Variants in CHD2 observed in about 807,000 individuals in gnomAD.
CHD2 encodes the protein ATP-dependent chromatin remodeler CHD2.
In CHD2, 28 loss-of-function variants were observed where a neutral mutation model predicts 243.9. The ratio of observed to expected loss-of-function variants is 0.11; its 90% CI spans 0.09 to 0.16. The LOEUF is 0.16. Among genes scored for constraint, CHD2 ranks in the 10% least tolerant of loss-of-function variants. The pLI, the probability that CHD2 is intolerant of heterozygous loss-of-function variation, is 1.00. For synonymous variants in CHD2, 775 were observed against 779.0 expected, an observed-to-expected ratio of 0.99 and a Z score of 0.09; for missense variants, 1,386 against 2,209.8, an observed-to-expected ratio of 0.63 and a Z score of 7.47.
intron 16 of CHD2, among the ~76,000 whole-genome samples, chr15:92,959,844 A>G (rs1019235649): frequency 6.6e-6 from 1 of 152,110 alleles, no homozygotes; most frequent in African/African-American, 2.4e-5. Flanking sequence ...TTCTTTTTCA[A>G]AATTGTTTTG....
Position 93,020,895 on chromosome 15 carries a change from G to A in CHD2, c.5153+637G>A, listed in dbSNP as rs117363842. On this transcript the variant is annotated intron_variant, in intron 38 of 38. Transcript: ENST00000394196. ...AATTTCATATAAACGTGTCAAAGTC[G>A]TGCTTTGTTTTTGGAAGATCTGGTA... 515 of 153,210 alleles carry A rather than the reference G, an allele frequency of 3.4e-3. 1 individual carries two copies. The highest frequency in any genetic ancestry group is 5.9e-3 in the Non-Finnish European group (406 of 68,772). The allele number at this position is 153,210 out of a possible 1,614,324, so 9.5% of individuals were successfully genotyped here.
At chr15:92,924,983 C>T (rs963267879) in intron 3 of CHD2, among the ~76,000 whole-genome samples, 5 of 152,064 alleles carry the variant, frequency 3.3e-5, no homozygotes, top group Admixed American at 6.5e-5. Flanking sequence ...GTATTTTTAG[C>T]GGAGACTGGG....
At chr15:92,924,237 T>C in intron 2 of CHD2, 84 bp from the exon 3 acceptor site, 1 of 1,190,006 alleles carries the variant, frequency 8.4e-7, no homozygotes, top group Admixed American at 2.1e-5. Context: ...TATCTGCAAA[T>C]GTTTTACCAT....
chr15:92,913,609 A>G (rs1388707944), intron 2 of CHD2, among the ~76,000 whole-genome samples: 3 of 152,222 alleles, frequency 2.0e-5, no homozygotes, highest in Admixed American at 6.5e-5. Context: ...TAATCCCAGC[A>G]CTTTGGGAGG....
intron 5 of CHD2, among the ~76,000 whole-genome samples, chr15:92,931,068 A>G (rs1333807282): frequency 1.3e-5 from 2 of 152,164 alleles, no homozygotes; most frequent in Non-Finnish European, 2.9e-5. Flanking sequence ...GTTGCAAGGC[A>G]CTTTAGGAGC....
chr15:92,929,874 G>A (rs367618756), intron 5 of CHD2, among the ~76,000 whole-genome samples: 1 of 151,798 alleles, frequency 6.6e-6, no homozygotes, highest in East Asian at 1.9e-4. Flanking sequence ...TTTAGTAAGT[G>A]GCCTAAGGCA....
At chr15:92,925,276 A>T (rs2053037811) in intron 3 of CHD2, among the ~76,000 whole-genome samples, 1 of 152,154 alleles carries the variant, frequency 6.6e-6, no homozygotes, top group Non-Finnish European at 1.5e-5. Flanking sequence ...CCTCCTTTTC[A>T]CATGGTAGCT....
chr15:92,947,396 T>C (rs915872992), intron 12 of CHD2: 1 of 152,212 alleles, frequency 6.6e-6, no homozygotes, highest in Non-Finnish European at 1.5e-5. Flanking sequence ...AAGATTCTTA[T>C]AGTTCAATAG....
chr15:92,937,478 C>A (rs761762487), intron 5 of CHD2, 40 bp from the exon 6 acceptor site: 1 of 1,456,420 alleles, frequency 6.9e-7, no homozygotes, highest in Admixed American at 2.2e-5. Context: ...TTGAAGGATT[C>A]TTTTAGAAAA....
intron 13 of CHD2, among the ~76,000 whole-genome samples, chr15:92,950,993 A>G (rs1000882784): frequency 2.0e-5 from 3 of 152,188 alleles, no homozygotes; most frequent in Non-Finnish European, 4.4e-5. Context: ...TTTTCCTTTT[A>G]GAGGTTAGTG....
In CHD2 at chr15:92,967,524, G is replaced by A. The variant is rs2053780427; in HGVS notation, c.2189+11G>A. On this transcript the variant is annotated intron_variant, in intron 17 of 38. Transcript: ENST00000394196. ...GAAACAGTATTACAAGTAAGTTCTT[G>A]TTTGGGTTAGGCCTGAAGGGGTTGA... 6.2e-7 allele frequency: 1 copy of A among 1,610,560 alleles called. No individual in the cohort carries two copies. The highest frequency in any genetic ancestry group is 8.5e-7 in the Non-Finnish European group (1 of 1,177,774).
intron 2 of CHD2, among the ~76,000 whole-genome samples, chr15:92,915,620 T>A (rs2052820219): frequency 6.6e-6 from 1 of 152,246 alleles, no homozygotes; most frequent in South Asian, 2.1e-4. Context: ...GTCACTTTTA[T>A]GATTTTGGCA....
chr15:92,942,515 A>C (rs577820908), intron 8 of CHD2, among the ~76,000 whole-genome samples: 2 of 150,862 alleles, frequency 1.3e-5, no homozygotes, highest in East Asian at 3.9e-4. Context: ...TTCTATCCTT[A>C]GTCTTGGAGA....
intron 24 of CHD2, 60 bp downstream of exon 24, chr15:92,981,517 T>G: frequency 7.6e-7 from 1 of 1,317,262 alleles, no homozygotes; most frequent in Non-Finnish European, 1.1e-6. Flanking sequence ...TGACTAATGT[T>G]TATGAACGCT....
intron 19 of CHD2, among the ~76,000 whole-genome samples, chr15:92,973,464 A>T (rs914598801): frequency 6.6e-6 from 1 of 152,124 alleles, no homozygotes. Context: ...TCTTCTACCA[A>T]CTCACATAAT....
chr15:92,938,933 T>C (rs553336779), intron 6 of CHD2, among the ~76,000 whole-genome samples: 49 of 152,354 alleles, frequency 3.2e-4, no homozygotes, highest in Non-Finnish European at 5.3e-4. Context: ...TAAAAACTTA[T>C]GTATAGTTAC....
At chr15:92,971,515 T>G (rs1367256731) in intron 17 of CHD2, among the ~76,000 whole-genome samples, 1 of 152,228 alleles carries the variant, frequency 6.6e-6, no homozygotes, top group Non-Finnish European at 1.5e-5. Context: ...AGTTGTTTTC[T>G]TCTAGTATTC....
intron 2 of CHD2, chr15:92,902,635 T>G (rs1459887902): frequency 6.5e-6 from 1 of 152,852 alleles, no homozygotes; most frequent in African/African-American, 2.4e-5. Context: ...AGTGCTGTCT[T>G]AATTGAATTG....
intron 17 of CHD2, among the ~76,000 whole-genome samples, chr15:92,971,142 A>G (rs1265910923): frequency 6.6e-6 from 1 of 152,100 alleles, no homozygotes; most frequent in Non-Finnish European, 1.5e-5. Flanking sequence ...AGTGACAGTC[A>G]TTTTCCATTC....
Sources: gnomAD v4.1 joint callset for allele counts (sites outside exome capture counted in the v4.1 genomes callset) on GRCh38, gnomAD v4.1.1 for gene constraint, MANE v1.5 for transcripts, NCBI Gene and HGNC (gene_info 2026-07-23, HGNC 2026-07-21) for gene names.